The following HEPH variants were observed in gnomAD, a reference collection of about 807,000 sequenced individuals.
HEPH encodes the protein hephaestin.
HEPH carries 69 observed loss-of-function variants against 80.8 expected under a neutral mutation model. The ratio of observed to expected loss-of-function variants is 0.85; its 90% confidence interval spans 0.70 to 1.04. HEPH has a LOEUF of 1.04. Ranked by LOEUF, HEPH falls within the 50% of genes least tolerant of loss-of-function variation. The pLI, the probability that HEPH is intolerant of heterozygous loss-of-function variation, is 0.00. For synonymous variants in HEPH, 431 were observed against 322.8 expected, an observed-to-expected ratio of 1.34 and a Z score of -3.60; for missense variants, 1,115 against 891.3, an observed-to-expected ratio of 1.25 and a Z score of -3.20.
At chrX:66,214,575 C>T (rs1366388676) in intron 15 of HEPH, among the ~76,000 whole-genome samples, 2 of 111,458 alleles carry the variant, frequency 1.8e-5, no homozygotes, top group Non-Finnish European at 3.8e-5. Context: ...TCCTTCCCAA[C>T]CCTTGGTCAC....
chrX:66,259,165 G>A (rs1206009230), intron 18 of HEPH, among the ~76,000 whole-genome samples, 186 bp downstream of exon 18: 4 of 111,975 alleles, frequency 3.6e-5, no homozygotes, highest in South Asian at 3.7e-4. Context: ...TTCCCGCTAG[G>A]CCCTAGCTTT....
At chrX:66,268,319 T>G (rs1404066350), downstream of HEPH, 1 of 112,295 alleles carries the variant, frequency 8.9e-6, no homozygotes, top group East Asian at 2.8e-4. Flanking sequence ...GAGCTGGTGT[T>G]CAGTTACGAT....
At chrX:66,216,148 A>G (rs1308129056) in intron 15 of HEPH, among the ~76,000 whole-genome samples, 1 of 111,435 alleles carries the variant, frequency 9.0e-6, no homozygotes, top group Admixed American at 9.5e-5. Flanking sequence ...TAGAGGCTCT[A>G]TGACCCTGCG....
Position 66,266,939 on chromosome X carries a change from T to A in HEPH, c.*267T>A, listed in dbSNP as rs193174928. ...TACATCGCAAATTTCAACAGCTACA[T>A]TATATTTCCTTCTGACACTTGGAAG... On this transcript the variant is annotated 3_prime_UTR_variant, in exon 21 of 21. Coordinates refer to ENST00000343002, the MANE Select transcript of HEPH (RefSeq NM_001367233.3). 81 of 297,864 alleles carry A rather than the reference T, an allele frequency of 2.7e-4. No homozygotes were observed. The highest frequency in any genetic ancestry group is 3.5e-5 in the Non-Finnish European group (6 of 171,807). 24.5% of individuals were successfully genotyped at this position (297,864 alleles called of 1,213,427 possible).
intron 15 of HEPH, among the ~76,000 whole-genome samples, chrX:66,215,600 T>C (rs918931627): frequency 8.9e-6 from 1 of 111,961 alleles, no homozygotes; most frequent in African/African-American, 3.3e-5. Flanking sequence ...TAAAACCATC[T>C]TCGGGGTGGA....
intron 15 of HEPH, among the ~76,000 whole-genome samples, chrX:66,249,642 G>T (rs556203367): frequency 8.9e-6 from 1 of 111,912 alleles, no homozygotes; most frequent in Admixed American, 9.4e-5. Flanking sequence ...CACAGTCTAA[G>T]ATCAGAGAAG....
At chrX:66,260,060 C>G (rs766995568) in intron 18 of HEPH, 40 bp from the exon 19 acceptor site, 27 of 1,159,218 alleles carry the variant, frequency 2.3e-5, no homozygotes, top group Non-Finnish European at 3.1e-5. Flanking sequence ...GATTTTTATA[C>G]CCTTCACTTC....
intron 13 of HEPH, among the ~76,000 whole-genome samples, chrX:66,205,325 C>T (rs1374345680): frequency 8.9e-6 from 1 of 111,762 alleles, no homozygotes; most frequent in Admixed American, 9.5e-5. Context: ...TGCATAGCTA[C>T]CACTTATAAG....
chrX:66,197,369 G>A (rs1377861305), intron 9 of HEPH, among the ~76,000 whole-genome samples: 1 of 111,284 alleles, frequency 9.0e-6, no homozygotes, highest in African/African-American at 3.3e-5. Context: ...GCAGATTAAT[G>A]TATGTTTTCA....
chrX:66,259,435 TAC>T (rs1317482631), intron 18 of HEPH, among the ~76,000 whole-genome samples: 1 of 111,837 alleles, frequency 8.9e-6, no homozygotes, highest in Admixed American at 9.5e-5. Context: ...GGGGCATTGA[TAC>T]AGACTTCGAG....
chrX:66,261,202 C>A (rs2091349748), intron 19 of HEPH, among the ~76,000 whole-genome samples: 2 of 112,301 alleles, frequency 1.8e-5, no homozygotes, highest in South Asian at 3.7e-4. Context: ...TCTAGCAAGA[C>A]AGTTCTTTTT....
chrX:66,227,848 CT>C (rs1192069536), intron 15 of HEPH, among the ~76,000 whole-genome samples: 1 of 110,701 alleles, frequency 9.0e-6, no homozygotes, highest in Admixed American at 9.6e-5. Context: ...CAGATTTCTT[CT>C]TTTTGCTTCA....
At chrX:66,229,476 T>C (rs915636870) in intron 15 of HEPH, among the ~76,000 whole-genome samples, 2 of 111,340 alleles carry the variant, frequency 1.8e-5, no homozygotes, top group Admixed American at 1.9e-4. Flanking sequence ...AGGTGAGGGA[T>C]AAAAGACTAC....
intron 13 of HEPH, among the ~76,000 whole-genome samples, chrX:66,206,026 C>T (rs766021733): frequency 2.6e-4 from 29 of 110,881 alleles, no homozygotes; most frequent in African/African-American, 9.5e-4. Flanking sequence ...CCTCTGGCAC[C>T]TACCTACCCC....
chrX:66,204,277 CTAAT>C (rs1396284089), intron 13 of HEPH, among the ~76,000 whole-genome samples: 2 of 111,937 alleles, frequency 1.8e-5, no homozygotes, highest in Admixed American at 9.4e-5. Flanking sequence ...GATGTAATCT[CTAAT>C]TAGTCAGCCA....
intron 4 of HEPH, among the ~76,000 whole-genome samples, chrX:66,174,387 C>T (rs1177230837): frequency 8.9e-6 from 1 of 111,875 alleles, no homozygotes; most frequent in Non-Finnish European, 1.9e-5. Context: ...ATATGTACCA[C>T]GGTTTCTTGA....
chrX:66,205,733 C>A (rs1220021916), intron 13 of HEPH, among the ~76,000 whole-genome samples: 1 of 110,136 alleles, frequency 9.1e-6, no homozygotes, highest in African/African-American at 3.3e-5. Context: ...GTAGCTGGGA[C>A]TACAGGTGCA....
intron 15 of HEPH, among the ~76,000 whole-genome samples, chrX:66,208,633 TA>T (rs1432041473): frequency 6.1e-3 from 3 of 488 alleles, no homozygotes; most frequent in African/African-American, 0.022. Flanking sequence ...TATACATACA[TA>T]TATATATATA....
intron 4 of HEPH, among the ~76,000 whole-genome samples, chrX:66,176,764 C>T (rs1392603076): frequency 4.5e-5 from 5 of 110,862 alleles, no homozygotes; most frequent in Admixed American, 2.9e-4. Flanking sequence ...GTTTTTTTGT[C>T]CTTGTGATAG....
Sources: gnomAD v4.1 joint callset for allele counts (sites outside exome capture counted in the v4.1 genomes callset) on GRCh38, gnomAD v4.1.1 for gene constraint, MANE v1.5 for transcripts, NCBI Gene and HGNC (gene_info 2026-07-23, HGNC 2026-07-21) for gene names.